The following DIPK2A variants were observed in gnomAD, a reference collection of about 807,000 sequenced individuals.
DIPK2A encodes the protein divergent protein kinase domain 2A, also known as Golgi Protein of 49 kDa.
A neutral mutation model predicts 39.0 loss-of-function variants in DIPK2A; 27 were observed. The ratio of observed to expected loss-of-function variants is 0.69; its 90% CI spans 0.51 to 0.96. DIPK2A has a LOEUF of 0.96. Ranked by LOEUF, DIPK2A falls within the 40% of genes least tolerant of loss-of-function variation. The probability of loss-of-function intolerance (pLI) is 0.00; values close to 1 mark genes in which losing one functional copy is unlikely to be tolerated. For missense variants in DIPK2A, 528 were observed against 571.3 expected (o/e 0.92, Z 0.77); for synonymous variants, 298 against 240.8 (o/e 1.24, Z -2.20).
chr3:143,988,865 C>T (rs926062980), intron 2 of DIPK2A, among the ~76,000 whole-genome samples: 1 of 152,138 alleles, frequency 6.6e-6, no homozygotes, highest in Non-Finnish European at 1.5e-5. Flanking sequence ...TCATTCTGGG[C>T]CATCTATAGT....
At chr3:143,979,385 T>G (rs2087796809) in intron 1 of DIPK2A, among the ~76,000 whole-genome samples, 1 of 152,208 alleles carries the variant, frequency 6.6e-6, no homozygotes. Flanking sequence ...GTAATTCTAT[T>G]TAGTACATTG....
At chr3:143,987,139 A>T (rs2087914812) in intron 2 of DIPK2A, among the ~76,000 whole-genome samples, 1 of 151,904 alleles carries the variant, frequency 6.6e-6, no homozygotes, top group Non-Finnish European at 1.5e-5. Context: ...GGAGTATTCT[A>T]CTCTCTATTT....
At chr3:143,980,600 A>G (rs1315239002) in intron 1 of DIPK2A, among the ~76,000 whole-genome samples, 2 of 150,920 alleles carry the variant, frequency 1.3e-5, no homozygotes, top group African/African-American at 2.4e-5. Context: ...TTGATGACAT[A>G]TACTTTCTAA....
rs780469618 is a variant in DIPK2A, at chr3:143,972,546, G to T, written c.214G>T (p.Val72Leu). ...SWCRRFLNGQVVFEAWGRLRL... is the reference protein window; with the variant it reads ...SWCRRFLNGQLVFEAWGRLRL... ...GTGCCGCCGCTTCCTCAACGGGCAG[G>T]TGGTATTCGAGGCGTGGGGCCGCTT... Residue 72 changes from valine (V) to leucine (L), a missense_variant, in exon 1 of 3, where the codon GTG (valine) becomes TTG (leucine). Val to Leu is a conservative substitution (Grantham distance 32, BLOSUM62 1). Transcript: ENST00000315691. The T allele has an allele frequency of 3.1e-6, 5 of 1,612,372 alleles. No individual in the cohort carries two copies. In the South Asian group the frequency reaches 4.4e-5, roughly 14 times the overall value.
chr3:143,971,882 A>C lies in DIPK2A; in HGVS notation c.-451A>C. The stretch of plus-strand genomic sequence containing the variant: ...GCTGCTTGTGGGTGTGAGACATCCT[A>C]GCTCCTCTTCCCCTTCCGTGAGTCC... On this transcript the variant is annotated 5_prime_UTR_variant, in exon 1 of 3. Coordinates refer to ENST00000315691, the MANE Select transcript of DIPK2A (RefSeq NM_173552.5). 6.3e-6 allele frequency: 1 copy of C among 159,840 alleles called. No individual in the cohort carries two copies. Among genetic ancestry groups the C allele is most frequent in the Non-Finnish European group, 1.4e-5 (1 of 73,538 alleles). The allele number at this position is 159,840 out of a possible 1,614,324, so 9.9% of individuals were successfully genotyped here. A position where few individuals can be genotyped will look rare whatever the true frequency, so the allele number is the denominator to read the frequency against.
At chr3:143,983,266 T>C (rs55848985) in intron 1 of DIPK2A, among the ~76,000 whole-genome samples, 4,368 of 152,300 alleles carry the variant, frequency 0.029, 87 homozygotes, top group Middle Eastern at 0.048. Flanking sequence ...ATCAACAGAA[T>C]ACACATTCTT....
intron 1 of DIPK2A, among the ~76,000 whole-genome samples, chr3:143,982,860 C>G (rs926977117): frequency 1.3e-5 from 2 of 151,386 alleles, no homozygotes; most frequent in Non-Finnish European, 2.9e-5. Context: ...ATCTCACATG[C>G]AAAGACACAC....
At chr3:143,977,318 G>GT (rs760904465) in intron 1 of DIPK2A, among the ~76,000 whole-genome samples, 42 of 151,682 alleles carry the variant, frequency 2.8e-4, no homozygotes, top group Non-Finnish European at 5.6e-4. Flanking sequence ...TGAGAAATTT[G>GT]GTTTTTATTG....
chr3:143,973,919 G>T (rs1449145407), intron 1 of DIPK2A, among the ~76,000 whole-genome samples: 1 of 152,158 alleles, frequency 6.6e-6, no homozygotes. Context: ...GCTTGTTTCT[G>T]CACATTCCCA....
Position 143,991,027 on chromosome 3 carries a change from A to T in DIPK2A, c.*1186A>T, listed in dbSNP as rs1246666048. The T allele has an allele frequency of 6.6e-6, 1 of 152,416 alleles. No homozygotes were observed. The highest frequency in any genetic ancestry group is 1.5e-5 in the Non-Finnish European group (1 of 68,004). 9.4% of individuals were successfully genotyped at this position (152,416 alleles called of 1,614,324 possible). A position where few individuals can be genotyped will look rare whatever the true frequency, so the allele number is the denominator to read the frequency against. On this transcript the variant is annotated 3_prime_UTR_variant, in exon 3 of 3. Coordinates refer to ENST00000315691, the MANE Select transcript of DIPK2A (RefSeq NM_173552.5). ...GAACTAATCATTATTACTATAAAGC[A>T]TACAAATTAGCCAGTCAGCACACTT...
At position 143,990,620 on chromosome 3, in the gene DIPK2A, C is replaced by T. The variant is rs952590261; in HGVS notation, c.*779C>T. 6.6e-6 allele frequency: 1 copy of T among 152,246 alleles called. No homozygotes were observed. Among genetic ancestry groups the T allele is most frequent in the Non-Finnish European group, 1.5e-5 (1 of 67,956 alleles). The allele number at this position is 152,246 out of a possible 1,614,324, so 9.4% of individuals were successfully genotyped here. On this transcript the variant is annotated 3_prime_UTR_variant, in exon 3 of 3. Coordinates refer to ENST00000315691, the MANE Select transcript of DIPK2A (RefSeq NM_173552.5). ...GTTGCAAAATGTCATTTTATCTTTT[C>T]TAAAGGCTTTAAGAAGAATATACTA...
Position 143,989,999 on chromosome 3 carries a change from A to T in DIPK2A, c.*158A>T. On this transcript the variant is annotated 3_prime_UTR_variant, in exon 3 of 3. Coordinates refer to ENST00000315691, the MANE Select transcript of DIPK2A (RefSeq NM_173552.5). ...TAATGTTAACATCCATCAAAATAAG[A>T]CATTACTTCAAAAATCACATGATGC... The T allele has an allele frequency of 1.6e-6, 1 of 611,086 alleles. No homozygotes were observed. The highest frequency in any genetic ancestry group is 2.8e-6 in the Non-Finnish European group (1 of 350,904). The allele number at this position is 611,086 out of a possible 1,614,324, so 37.9% of individuals were successfully genotyped here. A position where few individuals can be genotyped will look rare whatever the true frequency, so the allele number is the denominator to read the frequency against.
intron 1 of DIPK2A, among the ~76,000 whole-genome samples, chr3:143,977,061 T>C (rs774598173): frequency 6.6e-6 from 1 of 152,100 alleles, no homozygotes; most frequent in Non-Finnish European, 1.5e-5. Context: ...TACTTTGATA[T>C]AATTTTTTGT....
At chr3:143,980,947 A>G (rs1037547971) in intron 1 of DIPK2A, among the ~76,000 whole-genome samples, 5 of 152,234 alleles carry the variant, frequency 3.3e-5, no homozygotes, top group African/African-American at 1.2e-4. Context: ...AGGAGAAAAA[A>G]GAATACAAGC....
At chr3:143,986,660 G>A (rs1434765362) in intron 2 of DIPK2A, among the ~76,000 whole-genome samples, 2 of 149,492 alleles carry the variant, frequency 1.3e-5, no homozygotes, top group Non-Finnish European at 3.0e-5. Flanking sequence ...AGGGGGCGGA[G>A]CCTGCAGTGA....
chr3:143,983,571 A>G (rs2087856703), intron 1 of DIPK2A, among the ~76,000 whole-genome samples: 1 of 152,242 alleles, frequency 6.6e-6, no homozygotes, highest in African/African-American at 2.4e-5. Flanking sequence ...TTTAGAGGAA[A>G]ATCTATAGCA....
In DIPK2A at chr3:143,985,649, C is replaced by A; in HGVS notation, c.764C>A (p.Ala255Glu). 2 of 1,613,864 alleles carry A rather than the reference C, an allele frequency of 1.2e-6. No individual in the cohort carries two copies. Among genetic ancestry groups the A allele is most frequent in the Non-Finnish European group, 1.7e-6 (2 of 1,179,802 alleles). ...VGEELWSYFNAPWEKRVDLAW... is the reference protein window; with the variant it reads ...VGEELWSYFNEPWEKRVDLAW... ...GAAGAACTGTGGAGTTACTTTAATG[C>A]GCCATGGGAAAAACGAGTTGACCTC... is the stretch of plus-strand genomic sequence containing the variant. The change falls in exon 2 of 3, where the codon GCG (alanine) becomes GAG (glutamate). Residue 255 changes from alanine (A) to glutamate (E), a missense_variant. This residue lies in a region of DIPK2A where 219 missense variants were observed against 281.5 expected (regional missense o/e 0.78). Transcript: ENST00000315691.
intron 1 of DIPK2A, chr3:143,973,361 G>T: frequency 1.3e-6 from 2 of 1,545,972 alleles, no homozygotes; most frequent in Non-Finnish European, 1.7e-6. Context: ...CCGCGGCGCA[G>T]ACTGTTCACG....
intron 1 of DIPK2A, chr3:143,973,397 C>G: frequency 1.3e-6 from 2 of 1,549,516 alleles, no homozygotes; most frequent in African/African-American, 1.4e-5. Context: ...CCTAGTTCTT[C>G]TGAAGTGTTC....
Sources: allele counts gnomAD v4.1 joint callset (sites outside exome capture counted in the v4.1 genomes callset), GRCh38; gene constraint gnomAD v4.1.1; regional missense constraint gnomAD v4.1.1; transcripts MANE v1.5; gene names NCBI Gene and HGNC (gene_info 2026-07-23, HGNC 2026-07-21).